The following TNR variants were observed in gnomAD, a reference collection of about 807,000 sequenced individuals.
The protein encoded by TNR is tenascin-R.
A neutral mutation model predicts 150.4 loss-of-function variants in TNR; 45 were observed. The ratio of observed to expected loss-of-function variants is 0.30; its 90% CI spans 0.24 to 0.38. TNR has a LOEUF of 0.38. Ranked by LOEUF, TNR falls within the 10% of genes least tolerant of loss-of-function variation. The pLI is 1.00. For synonymous variants in TNR, 687 were observed against 678.4 expected (o/e 1.01, Z -0.20); for missense variants, 1,544 against 1,759.1 (o/e 0.88, Z 2.19).
chr1:175,568,080 C>T (rs189580585), intron 1 of TNR, among the ~76,000 whole-genome samples: 2 of 152,330 alleles, frequency 1.3e-5, no homozygotes, highest in East Asian at 3.9e-4. Flanking sequence ...CTGAAGGCAA[C>T]ATGAGCTCTT....
intron 1 of TNR, among the ~76,000 whole-genome samples, chr1:175,653,818 A>T (rs115774161): frequency 6.6e-6 from 1 of 152,216 alleles, no homozygotes; most frequent in Non-Finnish European, 1.5e-5. Flanking sequence ...ATCACATTAA[A>T]TTGATGCTAT....
intron 2 of TNR, among the ~76,000 whole-genome samples, chr1:175,508,889 G>A (rs1659059469): frequency 6.6e-6 from 1 of 152,144 alleles, no homozygotes; most frequent in Non-Finnish European, 1.5e-5. Flanking sequence ...TACTCAAAAC[G>A]ACTTTCTTGT....
chr1:175,376,860 T>TTATATATATATATATA (rs371694471), intron 9 of TNR, among the ~76,000 whole-genome samples: 1 of 113,708 alleles, frequency 8.8e-6, no homozygotes, highest in Non-Finnish European at 1.9e-5. Context: ...AAATGTAATA[T>TTATATATATATATATA]TATATATATA....
At chr1:175,571,992 C>T (rs1306395171) in intron 1 of TNR, among the ~76,000 whole-genome samples, 2 of 152,068 alleles carry the variant, frequency 1.3e-5, no homozygotes, top group African/African-American at 4.8e-5. Flanking sequence ...GAAACAAACA[C>T]CCTAGGTGTT....
At chr1:175,462,508 CTCA>C (rs1490344554) in intron 2 of TNR, among the ~76,000 whole-genome samples, 1 of 152,220 alleles carries the variant, frequency 6.6e-6, no homozygotes, top group Non-Finnish European at 1.5e-5. Context: ...GACACACACC[CTCA>C]TTATGCACAA....
chr1:175,350,147 A>T (rs898957747), intron 18 of TNR, among the ~76,000 whole-genome samples: 1 of 152,254 alleles, frequency 6.6e-6, no homozygotes, highest in Non-Finnish European at 1.5e-5. Context: ...AGCTTGTGTT[A>T]GAGTAGACTC....
chr1:175,681,189 GC>G (rs2101910279), intron 1 of TNR, among the ~76,000 whole-genome samples: 1 of 152,308 alleles, frequency 6.6e-6, no homozygotes, highest in South Asian at 2.1e-4. Context: ...TAGTAGGCAT[GC>G]TTTTCATTGT....
At chr1:175,564,538 C>G (rs1193287970) in intron 1 of TNR, among the ~76,000 whole-genome samples, 1 of 152,124 alleles carries the variant, frequency 6.6e-6, no homozygotes, top group Non-Finnish European at 1.5e-5. Flanking sequence ...GTATTGGTTG[C>G]ACATTTTGAT....
intron 1 of TNR, among the ~76,000 whole-genome samples, chr1:175,650,784 T>TACCCCACCCCA (rs1470072216): frequency 2.9e-5 from 1 of 34,022 alleles, no homozygotes; most frequent in Non-Finnish European, 5.7e-5. Flanking sequence ...ACCTCATTAC[T>TACCCCACCCCA]CCTCCTCCCC....
At chr1:175,689,318 T>G (rs1231360803) in intron 1 of TNR, among the ~76,000 whole-genome samples, 1 of 152,198 alleles carries the variant, frequency 6.6e-6, no homozygotes, top group Non-Finnish European at 1.5e-5. Context: ...AAAGAGCCCG[T>G]CTTTCCACAG....
intron 1 of TNR, among the ~76,000 whole-genome samples, chr1:175,554,353 A>G (rs972438847): frequency 1.8e-3 from 273 of 149,690 alleles, no homozygotes; most frequent in Middle Eastern, 3.4e-3. Flanking sequence ...AAAAAAAAAA[A>G]AAAAAAGATA....
intron 2 of TNR, among the ~76,000 whole-genome samples, chr1:175,466,297 C>T (rs753324594): frequency 6.6e-6 from 1 of 152,208 alleles, no homozygotes; most frequent in Non-Finnish European, 1.5e-5. Context: ...ATTCTTCAGC[C>T]TCTGCTTTTC....
chr1:175,323,233 C>T lies in TNR; in HGVS notation c.*124G>A, dbSNP rs41266098. On this transcript the variant is annotated 3_prime_UTR_variant, in exon 23 of 23. Transcript: ENST00000367674. ...TAGCCAGCGGATTCCTGCGACATCC[C>T]TGCTTCCTTCACATACTCTTAATAT... 5,221 of 1,299,174 alleles carry T rather than the reference C, an allele frequency of 4.0e-3. 28 individuals carry two copies. Among genetic ancestry groups the T allele is most frequent in the Non-Finnish European group, 4.4e-3 (4,213 of 957,780 alleles). The allele number at this position is 1,299,174 out of a possible 1,614,324, so 80.5% of individuals were successfully genotyped here.
intron 2 of TNR, among the ~76,000 whole-genome samples, chr1:175,417,092 C>T (rs1654530375): frequency 8.6e-6 from 1 of 116,032 alleles, no homozygotes; most frequent in African/African-American, 3.3e-5. Flanking sequence ...AAGAAGTGGT[C>T]TCTTCCCTCA....
intron 1 of TNR, among the ~76,000 whole-genome samples, chr1:175,592,098 T>G (rs1662823539): frequency 6.6e-6 from 1 of 152,230 alleles, no homozygotes; most frequent in Admixed American, 6.5e-5. Context: ...CAGGGCAAGT[T>G]AAGTTACTCA....
chr1:175,596,514 G>A (rs1011562857), intron 1 of TNR, among the ~76,000 whole-genome samples: 2 of 152,172 alleles, frequency 1.3e-5, no homozygotes, highest in African/African-American at 4.8e-5. Flanking sequence ...AAAGAACTTT[G>A]AGAGTTCTTC....
chr1:175,514,964 T>C (rs1659340498), intron 2 of TNR, among the ~76,000 whole-genome samples: 1 of 152,188 alleles, frequency 6.6e-6, no homozygotes, highest in East Asian at 1.9e-4. Context: ...TCTATTTTTT[T>C]TCAGATAAAG....
chr1:175,527,421 G>A (rs1344360838), intron 2 of TNR, among the ~76,000 whole-genome samples: 43 of 152,170 alleles, frequency 2.8e-4, no homozygotes, highest in Non-Finnish European at 4.4e-5. Flanking sequence ...AGTAGCATGA[G>A]GGATACTGAG....
intron 1 of TNR, among the ~76,000 whole-genome samples, chr1:175,596,322 C>T (rs371308596): frequency 2.0e-5 from 3 of 152,120 alleles, no homozygotes; most frequent in East Asian, 1.9e-4. Context: ...CCTCCAGTTC[C>T]CCCCACCCGT....
Sources: allele counts gnomAD v4.1 joint callset (sites outside exome capture counted in the v4.1 genomes callset), GRCh38; gene constraint gnomAD v4.1.1; transcripts MANE v1.5; gene names NCBI Gene and HGNC (gene_info 2026-07-23, HGNC 2026-07-21).